CDH12: variants seen among roughly 807,000 people sequenced by gnomAD.
CDH12 encodes the protein cadherin-12.
In CDH12, 41 loss-of-function variants were observed where a neutral mutation model predicts 74.1. That is an observed-to-expected ratio of 0.55 (90% CI 0.43 to 0.72). The LOEUF (loss-of-function observed/expected upper bound fraction) is 0.72, where lower values mean the gene tolerates loss of function less well. Ranked by LOEUF, CDH12 falls within the 30% of genes least tolerant of loss-of-function variation. The pLI is 0.00. For missense variants in CDH12, 945 were observed against 977.2 expected, an observed-to-expected ratio of 0.97 and a Z score of 0.44; for synonymous variants, 399 against 355.0, an observed-to-expected ratio of 1.12 and a Z score of -1.39.
At chr5:22,045,586 T>A (rs1289668867) in intron 5 of CDH12, among the ~76,000 whole-genome samples, 1 of 141,014 alleles carries the variant, frequency 7.1e-6, no homozygotes. Context: ...TATACAAAAA[T>A]GGTACACTAT....
At chr5:22,524,133 C>T (rs997042826) in intron 1 of CDH12, among the ~76,000 whole-genome samples, 2 of 151,942 alleles carry the variant, frequency 1.3e-5, no homozygotes, top group African/African-American at 4.8e-5. Context: ...CAGGCGCACG[C>T]CACCATATCT....
chr5:22,514,484 T>C (rs1580723445), intron 1 of CDH12, among the ~76,000 whole-genome samples: 1 of 150,682 alleles, frequency 6.6e-6, no homozygotes, highest in Non-Finnish European at 1.5e-5. Flanking sequence ...AAACCAGAAA[T>C]AACCAGATCC....
At chr5:22,226,098 G>A (rs1234905582) in intron 3 of CDH12, among the ~76,000 whole-genome samples, 1 of 151,614 alleles carries the variant, frequency 6.6e-6, no homozygotes, top group Non-Finnish European at 1.5e-5. Flanking sequence ...TAACATTTAT[G>A]TAGAAGTTCA....
At chr5:22,031,068 C>T (rs1738786684) in intron 5 of CDH12, among the ~76,000 whole-genome samples, 1 of 152,134 alleles carries the variant, frequency 6.6e-6, no homozygotes, top group Admixed American at 6.5e-5. Flanking sequence ...GGCATGGTAT[C>T]TCACACCTGT....
At chr5:21,757,270 G>C (rs886970016) in intron 13 of CDH12, among the ~76,000 whole-genome samples, 3 of 152,044 alleles carry the variant, frequency 2.0e-5, no homozygotes, top group African/African-American at 7.2e-5. Context: ...CCGCCTCCTG[G>C]GTTCAAGCGA....
intron 1 of CDH12, among the ~76,000 whole-genome samples, chr5:22,694,115 T>G (rs269016): frequency 0.065 from 9,944 of 151,976 alleles, 628 homozygotes; most frequent in African/African-American, 0.16. Flanking sequence ...ATTTTAAATT[T>G]TTTTTGTAGA....
intron 4 of CDH12, among the ~76,000 whole-genome samples, chr5:22,084,821 C>A (rs1297868372): frequency 2.6e-5 from 4 of 152,146 alleles, no homozygotes; most frequent in Non-Finnish European, 5.9e-5. Flanking sequence ...GAAAGGCAAA[C>A]AACTCCCCCA....
At chr5:22,415,159 C>T (rs1351579397) in intron 2 of CDH12, among the ~76,000 whole-genome samples, 2 of 151,616 alleles carry the variant, frequency 1.3e-5, no homozygotes, top group East Asian at 1.9e-4. Flanking sequence ...ATAAGTAGCT[C>T]AGGTAGTATT....
chr5:22,066,178 A>G lies in CDH12; in HGVS notation c.231+12268T>C, dbSNP rs192279019. ...TAATTTTTTTTAATTTTTTATTTCC[A>G]TAGGTTTTTGGGGGAACAGGTGGTA... is the stretch of plus-strand genomic sequence containing the variant. On this transcript the variant is annotated intron_variant, in intron 5 of 14. Coordinates refer to ENST00000382254, the MANE Select transcript of CDH12 (RefSeq NM_004061.5). 5.8e-3 allele frequency among the ~76,000 whole-genome samples: 877 copies of G among 152,054 alleles called. 8 individuals are homozygous for G. The highest frequency in any genetic ancestry group is 0.02 in the African/African-American group (839 of 41,484).
chr5:22,714,642 T>C (rs1743476552), intron 1 of CDH12, among the ~76,000 whole-genome samples: 1 of 152,218 alleles, frequency 6.6e-6, no homozygotes, highest in African/African-American at 2.4e-5. Context: ...CATATGACCC[T>C]GCCCTAATAA....
chr5:21,941,824 T>G (rs1755343594), intron 6 of CDH12, among the ~76,000 whole-genome samples: 1 of 151,852 alleles, frequency 6.6e-6, no homozygotes, highest in Non-Finnish European at 1.5e-5. Context: ...TTTTTCCCAA[T>G]CTAGCTTCCT....
chr5:22,079,847 C>T (rs1742595787), intron 4 of CDH12, among the ~76,000 whole-genome samples: 2 of 149,986 alleles, frequency 1.3e-5, no homozygotes, highest in Admixed American at 1.3e-4. Context: ...TCTAAAATCA[C>T]AAACAAAAAA....
chr5:22,031,049 T>C (rs985395843), intron 5 of CDH12, among the ~76,000 whole-genome samples: 2 of 152,122 alleles, frequency 1.3e-5, no homozygotes, highest in Non-Finnish European at 2.9e-5. Flanking sequence ...AAGAGAACGT[T>C]GTGGGCCAGG....
chr5:22,014,553 G>A (rs547387656), intron 5 of CDH12, among the ~76,000 whole-genome samples: 2 of 152,182 alleles, frequency 1.3e-5, no homozygotes, highest in East Asian at 3.9e-4. Flanking sequence ...GATGGTGTAG[G>A]TTAGGAATAA....
chr5:21,832,687 ATTAAC>A (rs1238428916), intron 8 of CDH12, among the ~76,000 whole-genome samples: 1 of 146,874 alleles, frequency 6.8e-6, no homozygotes, highest in Non-Finnish European at 1.5e-5. Flanking sequence ...CAATTAACTT[ATTAAC>A]TTATTCATTC....
intron 2 of CDH12, among the ~76,000 whole-genome samples, chr5:22,411,855 T>C (rs894946186): frequency 1.3e-5 from 2 of 152,056 alleles, no homozygotes; most frequent in Non-Finnish European, 2.9e-5. Flanking sequence ...GACTACCTCA[T>C]CAATTTCTCT....
chr5:22,516,440 A>G (rs1323657484), intron 1 of CDH12, among the ~76,000 whole-genome samples: 1 of 152,208 alleles, frequency 6.6e-6, no homozygotes, highest in African/African-American at 2.4e-5. Context: ...TAATTGCTAT[A>G]ATCTATTGAT....
intron 11 of CDH12, chr5:21,779,620 C>T (rs914132647): frequency 1.3e-5 from 2 of 152,136 alleles, no homozygotes; most frequent in African/African-American, 4.8e-5. Flanking sequence ...GAAAGTTGTT[C>T]AATCATCGTG....
chr5:22,781,901 T>C (rs1410642558), intron 1 of CDH12, among the ~76,000 whole-genome samples: 1 of 152,150 alleles, frequency 6.6e-6, no homozygotes, highest in Non-Finnish European at 1.5e-5. Context: ...GTGTGAGACA[T>C]GCAAAGAAGA....
Sources: allele counts gnomAD v4.1 joint callset (sites outside exome capture counted in the v4.1 genomes callset), GRCh38; gene constraint gnomAD v4.1.1; transcripts MANE v1.5; gene names NCBI Gene and HGNC (gene_info 2026-07-23, HGNC 2026-07-21).